Variants in PPRC1 observed in about 807,000 individuals in gnomAD.
PPRC1 encodes PPARG related coactivator 1.
A neutral mutation model predicts 132.5 loss-of-function variants in PPRC1; 23 were observed. The observed-to-expected ratio is 0.17, with a 90% CI of 0.12 to 0.25. The LOEUF is 0.25. Among genes scored for constraint, PPRC1 ranks in the 10% least tolerant of loss-of-function variants. The pLI, the probability that PPRC1 is intolerant of heterozygous loss-of-function variation, is 1.00. For synonymous variants in PPRC1, 872 were observed against 833.5 expected (o/e 1.05, Z -0.80); for missense variants, 2,006 against 2,089.1 (o/e 0.96, Z 0.78).
intron 8 of PPRC1, among the ~76,000 whole-genome samples, chr10:102,146,318 T>C (rs2069243267): frequency 6.6e-6 from 1 of 152,044 alleles, no homozygotes; most frequent in South Asian, 2.1e-4. Context: ...GGGGAGACGA[T>C]AGATGATGAC....
intron 1 of PPRC1, among the ~76,000 whole-genome samples, chr10:102,133,772 C>G (rs1467547423): frequency 1.3e-5 from 2 of 151,838 alleles, no homozygotes; most frequent in Non-Finnish European, 2.9e-5. Flanking sequence ...GCCTGGCTGA[C>G]GCGAACTGGG....
At chr10:102,135,637 C>T (rs2068695687) in intron 1 of PPRC1, among the ~76,000 whole-genome samples, 1 of 152,128 alleles carries the variant, frequency 6.6e-6, no homozygotes, top group Admixed American at 6.5e-5. Flanking sequence ...CCTCAGCCTC[C>T]CAAAGTGCTG....
chr10:102,127,086 A>C, the PPRC1 span, among the ~76,000 whole-genome samples: 1 of 145,256 alleles, frequency 6.9e-6, no homozygotes. Flanking sequence ...AAAAAAATTG[A>C]GACAGAGGTC....
At chr10:102,126,983 T>C in the PPRC1 span, among the ~76,000 whole-genome samples, 7 of 114,862 alleles carry the variant, frequency 6.1e-5, no homozygotes, top group South Asian at 2.0e-3. Flanking sequence ...ATGAACTAAA[T>C]CATATTTCTG....
At chr10:102,142,883 T>G in intron 5 of PPRC1, 162 bp from the exon 6 acceptor site, 1 of 539,624 alleles carries the variant, frequency 1.9e-6, no homozygotes, top group Non-Finnish European at 3.3e-6. Context: ...GAGCCCTGGG[T>G]TGGTTTGAAT....
chr10:102,133,677 A>T (rs2068609649), intron 1 of PPRC1, among the ~76,000 whole-genome samples: 1 of 150,492 alleles, frequency 6.6e-6, no homozygotes, highest in African/African-American at 2.4e-5. Context: ...AGGGGGGCGC[A>T]GGCAGCGGGT....
intron 13 of PPRC1, 24 bp downstream of exon 13, chr10:102,149,353 C>T (rs753557156): frequency 2.6e-6 from 4 of 1,544,458 alleles, no homozygotes; most frequent in Non-Finnish European, 3.5e-6. Flanking sequence ...GGGCCTAAAG[C>T]TTTGGAATGC....
At chr10:102,144,889 A>T (rs568291982) in intron 7 of PPRC1, 131 bp from the exon 8 acceptor site, 42 of 727,198 alleles carry the variant, frequency 5.8e-5, no homozygotes, top group Admixed American at 2.0e-4. Context: ...TGCAGGAAGA[A>T]GATGATGGAG....
Position 102,140,714 on chromosome 10 carries a change from G to C in PPRC1, c.2206G>C (p.Glu736Gln), listed in dbSNP as rs1429748197. 1 of 1,613,992 alleles carries C rather than the reference G, an allele frequency of 6.2e-7. No homozygotes were observed. The change falls in exon 5 of 14, where the codon GAA (glutamate) becomes CAA (glutamine). Residue 736 changes from glutamate to glutamine, a missense_variant. Glu to Gln is a conservative substitution (Grantham distance 29). Around this residue, in one of 2 missense-constraint regions of PPRC1, gnomAD observed 1,914 missense variants for 1,917.2 expected, o/e 1.00. Coordinates refer to ENST00000278070, the MANE Select transcript of PPRC1 (RefSeq NM_015062.5). ...VKEVVDSLKIESGTSATTHEA... is the reference protein window; with the variant it reads ...VKEVVDSLKIQSGTSATTHEA... ...AGAGGTTGTGGATTCTCTGAAAATT[G>C]AAAGTGGTACCAGTGCTACAACCCA...
chr10:102,136,254 C>T (rs2068716232), intron 1 of PPRC1, among the ~76,000 whole-genome samples: 1 of 152,050 alleles, frequency 6.6e-6, no homozygotes, highest in Non-Finnish European at 1.5e-5. Context: ...CGTCCTTAAC[C>T]AGCCTTTCCT....
At chr10:102,120,862 C>T in the PPRC1 span, among the ~76,000 whole-genome samples, 2 of 152,050 alleles carry the variant, frequency 1.3e-5, no homozygotes, top group African/African-American at 2.4e-5. Context: ...CCACCCCGGG[C>T]CGCGCTCCGG....
At chr10:102,129,518 C>G (rs1211947551), upstream of PPRC1, among the ~76,000 whole-genome samples, 1 of 152,210 alleles carries the variant, frequency 6.6e-6, no homozygotes, top group African/African-American at 2.4e-5. Context: ...AAAAAAGTGG[C>G]AAAACGTTCC....
rs533950898 is a variant in PPRC1, at chr10:102,144,401, G to A, written c.3608+94G>A. Reference sequence around the variant, plus strand: ...GTCAACTGGATGCCTCTGTTGCAGGGACGCTGTAGTCAGCTCTAGAGTCTT... The same window carrying A: ...GTCAACTGGATGCCTCTGTTGCAGGAACGCTGTAGTCAGCTCTAGAGTCTT... On this transcript the variant is annotated intron_variant, in intron 7 of 13. Coordinates refer to ENST00000278070, the MANE Select transcript of PPRC1 (RefSeq NM_015062.5). 1.6e-5 allele frequency: 19 copies of A among 1,214,758 alleles called. No homozygotes were observed. The South Asian group carries it at 2.3e-4, about 15-fold the overall frequency. 75.2% of individuals were successfully genotyped at this position (1,214,758 alleles called of 1,614,324 possible).
At position 102,139,614 on chromosome 10, in the gene PPRC1, C is replaced by G; in HGVS notation, c.1106C>G (p.Ser369Cys). 6.2e-7 allele frequency: 1 copy of G among 1,613,962 alleles called. No individual in the cohort carries two copies. Among genetic ancestry groups the G allele is most frequent in the South Asian group, 1.1e-5 (1 of 91,090 alleles). ...LEIPVVVRQV[S>C]PGPRPVLLDD... ...ATCCCAGTTGTGGTGCGACAGGTCTCTCCTGGACCCCGGCCTGTGCTCCTG... is the reference window on the plus strand; with the variant it reads ...ATCCCAGTTGTGGTGCGACAGGTCTGTCCTGGACCCCGGCCTGTGCTCCTG... Residue 369 changes from serine (S) to cysteine (C), a missense_variant, in exon 5 of 14, where the codon TCT becomes TGT. Coordinates refer to ENST00000278070, the MANE Select transcript of PPRC1 (RefSeq NM_015062.5).
the PPRC1 span, among the ~76,000 whole-genome samples, chr10:102,123,705 A>AT: frequency 1.4e-5 from 2 of 147,762 alleles, no homozygotes; most frequent in Non-Finnish European, 3.0e-5. Context: ...TAATTTTTGT[A>AT]TTTTTTTTAG....
At chr10:102,145,273 T>G (rs977449215) in intron 8 of PPRC1, among the ~76,000 whole-genome samples, 183 bp downstream of exon 8, 3 of 152,324 alleles carry the variant, frequency 2.0e-5, no homozygotes, top group Admixed American at 2.0e-4. Context: ...AGGTGCTATG[T>G]TACAGCCTAT....
At chr10:102,120,164 C>A in the PPRC1 span, 1 of 1,232,310 alleles carries the variant, frequency 8.1e-7, no homozygotes. Context: ...CCGCCCCTCG[C>A]GGGGACAGGC....
chr10:102,149,217 G>C lies in PPRC1; in HGVS notation c.4779G>C (p.Glu1593Asp), dbSNP rs144399657. The change falls in exon 13 of 14, where the codon GAG becomes GAC. Residue 1593 changes from glutamate to aspartate, a missense_variant. Coordinates refer to ENST00000278070, the MANE Select transcript of PPRC1 (RefSeq NM_015062.5). ...TCGTCACTTATCGCTATGCTGAGGA[G>C]GCATTTGCAGCCATTGAGAGTGGCC... is the stretch of plus-strand genomic sequence containing the variant. Reference protein sequence around the residue: ...YGFVTYRYAEEAFAAIESGHK... With the variant: ...YGFVTYRYAEDAFAAIESGHK... The C allele has an allele frequency of 3.0e-5, 49 of 1,609,720 alleles. No homozygotes were observed. The African/African-American group carries it at 6.4e-4, about 21-fold the overall frequency.
intron 1 of PPRC1, 127 bp downstream of exon 1, chr10:102,133,348 C>T (rs1238971713): frequency 9.7e-6 from 8 of 828,328 alleles, no homozygotes; most frequent in Non-Finnish European, 1.1e-5. Flanking sequence ...GGAGCCGGGC[C>T]GGAGCAAGTG....
Sources: allele counts gnomAD v4.1 joint callset (sites outside exome capture counted in the v4.1 genomes callset), GRCh38; gene constraint gnomAD v4.1.1; regional missense constraint gnomAD v4.1.1; transcripts MANE v1.5; gene names NCBI Gene and HGNC (gene_info 2026-07-23, HGNC 2026-07-21).